TJP3: variants seen among roughly 807,000 people sequenced by gnomAD.
TJP3 encodes the protein tight junction protein 3.
TJP3 carries 85 observed loss-of-function variants against 104.2 expected under a neutral mutation model. That is an observed-to-expected ratio of 0.82 (90% CI 0.68 to 0.98). The LOEUF is 0.98. TJP3 is among the 50% of genes least tolerant of loss of function. TJP3 has a pLI of 0.00. For missense variants in TJP3, 1,367 were observed against 1,322.8 expected, an observed-to-expected ratio of 1.03 and a Z score of -0.52; for synonymous variants, 550 against 550.6, an observed-to-expected ratio of 1.00 and a Z score of 0.02.
intron 3 of TJP3, among the ~76,000 whole-genome samples, chr19:3,729,639 G>A (rs1225655321): frequency 1.3e-5 from 2 of 151,900 alleles, no homozygotes; most frequent in African/African-American, 2.4e-5. Flanking sequence ...AAAATTAGAC[G>A]GGTGTGGTGG....
At chr19:3,716,497 C>T (rs892085742) in intron 1 of TJP3, among the ~76,000 whole-genome samples, 2 of 148,294 alleles carry the variant, frequency 1.3e-5, no homozygotes, top group Non-Finnish European at 3.0e-5. Context: ...GCCAGCTCAC[C>T]ATCTGGCCTC....
intron 6 of TJP3, among the ~76,000 whole-genome samples, chr19:3,732,891 C>T (rs1398899821): frequency 5.3e-5 from 8 of 151,674 alleles, no homozygotes; most frequent in Non-Finnish European, 7.4e-5. Flanking sequence ...GTGATCCATC[C>T]GCCTCGGCCT....
chr19:3,716,385 C>A (rs2145665000), intron 1 of TJP3, among the ~76,000 whole-genome samples: 1 of 148,390 alleles, frequency 6.7e-6, no homozygotes, highest in African/African-American at 2.4e-5. Context: ...GTATTGAACA[C>A]CAAAATGTCT....
intron 8 of TJP3, among the ~76,000 whole-genome samples, 170 bp downstream of exon 8, chr19:3,734,605 A>C (rs903879981): frequency 1.3e-5 from 2 of 152,204 alleles, no homozygotes; most frequent in African/African-American, 4.8e-5. Context: ...CCAGTTCCAA[A>C]GCCGTGTCCG....
rs371222022 is a variant in TJP3 at position 3,730,388 on chromosome 19, G to A, written c.295G>A (p.Ala99Thr). The change falls in exon 5 of 21, where the codon GCC (alanine) becomes ACC (threonine). Residue 99 changes from alanine to threonine, a missense_variant. Transcript: ENST00000541714. This position sits in a 1 kb window ranked among gnomAD's most constrained non-coding sequence, Gnocchi z 7.3. ...VKRPRRIHLP[A>T]TKASPSSPGR... ...ACGTCCCCGGAGGATCCACCTGCCCGCCACCAAAGCCAGCCCCTCCAGCCC... is the reference window on the plus strand; with the variant it reads ...ACGTCCCCGGAGGATCCACCTGCCCACCACCAAAGCCAGCCCCTCCAGCCC... 1.6e-5 allele frequency: 25 copies of A among 1,553,472 alleles called. No homozygotes were observed. Among genetic ancestry groups the A allele is most frequent in the Middle Eastern group, 4.1e-4 (2 of 4,908 alleles).
rs147968624 is a variant in TJP3 at position 3,745,905 on chromosome 19, T to C, written c.1940-106T>C. On this transcript the variant is annotated intron_variant, in intron 15 of 20. Coordinates refer to ENST00000541714, the MANE Select transcript of TJP3 (RefSeq NM_001267560.2). ...CTGTTAGGATTTCTCTCCAGGGCAA[T>C]GGGGAGCCATGGTGGCTTCTTGAGC... 5.3e-4 allele frequency: 475 copies of C among 901,496 alleles called. 2 individuals carry two copies. In the African/African-American group the frequency reaches 7.1e-3, roughly 14 times the overall value. 55.8% of individuals were successfully genotyped at this position (901,496 alleles called of 1,614,324 possible). A position where few individuals can be genotyped will look rare whatever the true frequency, so the allele number is the denominator to read the frequency against.
At chr19:3,727,173 G>T (rs2036606596) in intron 1 of TJP3, among the ~76,000 whole-genome samples, 1 of 151,848 alleles carries the variant, frequency 6.6e-6, no homozygotes, top group African/African-American at 2.4e-5. Flanking sequence ...CACCTTTGAT[G>T]AATGTATTAA....
chr19:3,746,571 C>T lies in TJP3; in HGVS notation c.2097C>T (p.Ile699=), dbSNP rs763689606. ...ACTACCCCATTGTGGTCTTCTTCATCCCCGAGAGCCGGCCGGCCCTCAAGG... is the reference window on the plus strand; with the variant it reads ...ACTACCCCATTGTGGTCTTCTTCATTCCCGAGAGCCGGCCGGCCCTCAAGG... The part of the protein sequence containing the change: ...VQYYPIVVFF[I]PESRPALKAL... Residue 699 remains isoleucine, a synonymous_variant, in exon 17 of 21, where the codon ATC becomes ATT. Coordinates refer to ENST00000541714, the MANE Select transcript of TJP3 (RefSeq NM_001267560.2). The surrounding 1 kb of genome is among the most constrained non-coding windows in gnomAD (Gnocchi z 4.1). 2.5e-6 allele frequency: 4 copies of T among 1,614,032 alleles called. No individual in the cohort carries two copies. Among genetic ancestry groups the T allele is most frequent in the African/African-American group, 1.3e-5 (1 of 75,060 alleles).
At chr19:3,739,180 C>G (rs1256783374) in intron 13 of TJP3, 46 bp downstream of exon 13, 1 of 1,466,070 alleles carries the variant, frequency 6.8e-7, no homozygotes, top group East Asian at 2.4e-5. Flanking sequence ...GCTTCAGCCT[C>G]AGTCTCCCCG....
In TJP3 at chr19:3,739,094, C is replaced by T. The variant is rs772459127; in HGVS notation, c.1591C>T (p.Leu531=). Residue 531 remains leucine (L), a synonymous_variant, in exon 13 of 21, where the codon CTG becomes TTG. Transcript: ENST00000541714. ...GCTGGCGGTGCGCATGGGTCGTGAC[C>T]TGCGGGAGCAAGAGCGGGGCATCAT... ...HWLAVRMGRD[L]REQERGIIPN... 2 of 1,588,614 alleles carry T rather than the reference C, an allele frequency of 1.3e-6. No homozygotes were observed. Among genetic ancestry groups the T allele is most frequent in the Non-Finnish European group, 8.6e-7 (1 of 1,164,312 alleles).
In TJP3 at chr19:3,750,576, C is replaced by T. The variant is rs372546455; in HGVS notation, c.2658-6C>T. 66 of 1,595,244 alleles carry T rather than the reference C, an allele frequency of 4.1e-5. No individual in the cohort carries two copies. In the East Asian group the frequency reaches 1.2e-3, roughly 29 times the overall value. On this transcript the variant is annotated splice_polypyrimidine_tract_variant and splice_region_variant and intron_variant, in intron 20 of 20. Transcript: ENST00000541714. ...CACAGCATCTATTCTATTTCCTGAT[C>T]CCCAGAACCTATGAACGGGAAGCCC... is the stretch of plus-strand genomic sequence containing the variant.
chr19:3,738,587 G>A lies in TJP3; in HGVS notation c.1317G>A (p.Arg439=), dbSNP rs2145693516. 6.2e-7 allele frequency: 1 copy of A among 1,613,890 alleles called. No individual in the cohort carries two copies. The highest frequency in any genetic ancestry group is 1.7e-5 in the Admixed American group (1 of 60,000). The change falls in exon 12 of 21, where the codon CGG becomes CGA. Residue 439 remains arginine (R), a synonymous_variant. Transcript: ENST00000541714. ...VNDVPFQNLT[R]EEAVQFLLGL... ...ACGTGCCATTCCAGAACCTGACACG[G>A]GAGGAGGCAGTGCAGTTCCTGCTGG...
At chr19:3,717,623 A>AC (rs2036492597) in intron 1 of TJP3, among the ~76,000 whole-genome samples, 1 of 150,026 alleles carries the variant, frequency 6.7e-6, no homozygotes, top group African/African-American at 2.5e-5. Context: ...TTTTGTAGAG[A>AC]TGGGTTTTGC....
chr19:3,724,983 G>A (rs558800988), intron 1 of TJP3, among the ~76,000 whole-genome samples: 32 of 152,346 alleles, frequency 2.1e-4, no homozygotes, highest in Non-Finnish European at 3.7e-4. Flanking sequence ...GAGTGAGGCT[G>A]GGTGCGGTGG....
chr19:3,718,921 C>T (rs546169823), intron 1 of TJP3, among the ~76,000 whole-genome samples: 5 of 152,140 alleles, frequency 3.3e-5, no homozygotes, highest in Non-Finnish European at 7.4e-5. Flanking sequence ...TGGTGGCTCA[C>T]GCCTGTAATC....
At chr19:3,715,135 G>A in intron 1 of TJP3, among the ~76,000 whole-genome samples, 1 of 151,108 alleles carries the variant, frequency 6.6e-6, no homozygotes, top group Non-Finnish European at 1.5e-5. Flanking sequence ...TGTCGCCCAG[G>A]CTGGAGCGCA....
At chr19:3,748,511 A>G (rs1056784147) in intron 19 of TJP3, among the ~76,000 whole-genome samples, 1 of 143,688 alleles carries the variant, frequency 7.0e-6, no homozygotes, top group Admixed American at 7.1e-5. Context: ...CTTGTAATCC[A>G]CCCGCCTTGG....
chr19:3,714,454 A>G (rs1325686533), intron 1 of TJP3, among the ~76,000 whole-genome samples: 1 of 151,694 alleles, frequency 6.6e-6, no homozygotes, highest in Non-Finnish European at 1.5e-5. Context: ...CTGGGATTAC[A>G]GATGTGAGCC....
At chr19:3,740,064 CCTA>C (rs1425108377) in intron 13 of TJP3, among the ~76,000 whole-genome samples, 1 of 151,728 alleles carries the variant, frequency 6.6e-6, no homozygotes, top group Non-Finnish European at 1.5e-5. Context: ...AAACCCCATC[CCTA>C]CTAAAAATAC....
Sources: allele counts gnomAD v4.1 joint callset (sites outside exome capture counted in the v4.1 genomes callset), GRCh38; gene constraint gnomAD v4.1.1; non-coding constraint Gnocchi (gnomAD v3.1); transcripts MANE v1.5; gene names NCBI Gene and HGNC (gene_info 2026-07-23, HGNC 2026-07-21).